Variants in VWA3B observed in about 807,000 individuals in gnomAD.
VWA3B encodes the protein von Willebrand factor A domain-containing protein 3B.
Under a neutral mutation model 158.3 loss-of-function variants are expected in VWA3B, and 138 were observed. The ratio of observed to expected loss-of-function variants is 0.87; its 90% CI spans 0.76 to 1.00. The LOEUF (loss-of-function observed/expected upper bound fraction) is 1.00. Among genes scored for constraint, VWA3B ranks in the 50% least tolerant of loss-of-function variants. The pLI is 0.00. For synonymous variants in VWA3B, 596 were observed against 587.3 expected, an observed-to-expected ratio of 1.01 and a Z score of -0.21; for missense variants, 1,555 against 1,565.1, an observed-to-expected ratio of 0.99 and a Z score of 0.11.
the VWA3B span, among the ~76,000 whole-genome samples, chr2:98,328,470 A>G: frequency 6.6e-6 from 1 of 152,234 alleles, no homozygotes; most frequent in African/African-American, 2.4e-5. Flanking sequence ...CACTACTACT[A>G]TTAGAATTTA....
At chr2:98,200,459 A>C (rs2105469047) in intron 12 of VWA3B, among the ~76,000 whole-genome samples, 1 of 151,376 alleles carries the variant, frequency 6.6e-6, no homozygotes, top group Admixed American at 6.6e-5. Flanking sequence ...AGAGAATGGC[A>C]TGAACCCAGG....
At chr2:98,317,040 G>T (rs1326738961), downstream of VWA3B, among the ~76,000 whole-genome samples, 1 of 152,178 alleles carries the variant, frequency 6.6e-6, no homozygotes, top group African/African-American at 2.4e-5. Flanking sequence ...AAGCAGGTAG[G>T]TGAATTCACA....
chr2:98,224,269 A>G (rs1358251717), intron 14 of VWA3B, among the ~76,000 whole-genome samples: 2 of 151,192 alleles, frequency 1.3e-5, no homozygotes, highest in Non-Finnish European at 3.0e-5. Context: ...CACCAGAAAG[A>G]AAAGAAGAAA....
At chr2:98,255,022 G>GT (rs960413686) in intron 20 of VWA3B, among the ~76,000 whole-genome samples, 19 of 146,756 alleles carry the variant, frequency 1.3e-4, no homozygotes, top group East Asian at 2.0e-4. Flanking sequence ...TTTGTTTTTT[G>GT]TTTTTTTTTG....
intron 14 of VWA3B, among the ~76,000 whole-genome samples, chr2:98,224,992 G>A (rs1684804117): frequency 6.6e-6 from 1 of 152,098 alleles, no homozygotes. Context: ...GGAGCGCAGT[G>A]GTGCAATCTT....
chr2:98,138,587 A>G (rs796557595), intron 7 of VWA3B, among the ~76,000 whole-genome samples: 12 of 152,300 alleles, frequency 7.9e-5, no homozygotes, highest in African/African-American at 2.6e-4. Flanking sequence ...GGATCTCATA[A>G]TATTCATGAC....
At chr2:98,228,707 G>A (rs1267487601) in intron 15 of VWA3B, among the ~76,000 whole-genome samples, 2 of 152,096 alleles carry the variant, frequency 1.3e-5, no homozygotes, top group African/African-American at 4.8e-5. Flanking sequence ...TTCTCTCCAC[G>A]CCTCTCCATT....
At chr2:98,313,312 C>G (rs1367190759), downstream of VWA3B, 1 of 151,672 alleles carries the variant, frequency 6.6e-6, no homozygotes, top group Admixed American at 6.6e-5. Context: ...GACATGCGCT[C>G]AGCATCAGGC....
intron 5 of VWA3B, among the ~76,000 whole-genome samples, chr2:98,121,749 C>G (rs72946920): frequency 0.22 from 33,677 of 151,864 alleles, 3,943 homozygotes; most frequent in African/African-American, 0.29. Flanking sequence ...TCACACCCAC[C>G]GAGCACCGAG....
intron 19 of VWA3B, 74 bp from the exon 20 acceptor site, chr2:98,250,244 A>G (rs769248191): frequency 6.8e-6 from 7 of 1,032,096 alleles, no homozygotes; most frequent in Admixed American, 4.4e-5. Context: ...TTATACAACT[A>G]TGTAGATGTA....
At chr2:98,289,135 TCTTTAC>T (rs1689339754) in intron 22 of VWA3B, among the ~76,000 whole-genome samples, 1 of 152,234 alleles carries the variant, frequency 6.6e-6, no homozygotes, top group African/African-American at 2.4e-5. Flanking sequence ...CAAAAGGATT[TCTTTAC>T]CTTTTCTCCT....
At chr2:98,109,537 A>G (rs1186865488) in intron 2 of VWA3B, among the ~76,000 whole-genome samples, 1 of 152,166 alleles carries the variant, frequency 6.6e-6, no homozygotes, top group African/African-American at 2.4e-5. Flanking sequence ...ACCATCAAAC[A>G]TTATTTGTAA....
intron 7 of VWA3B, among the ~76,000 whole-genome samples, chr2:98,150,971 C>T (rs777274515): frequency 1.3e-5 from 2 of 152,230 alleles, no homozygotes; most frequent in African/African-American, 2.4e-5. Flanking sequence ...ATATATCTTG[C>T]ACTTGAGGTT....
At chr2:98,162,535 A>G (rs1230414964) in intron 7 of VWA3B, among the ~76,000 whole-genome samples, 1 of 152,116 alleles carries the variant, frequency 6.6e-6, no homozygotes, top group Non-Finnish European at 1.5e-5. Context: ...GGCTTGTGTG[A>G]GGTGCTTTTG....
intron 7 of VWA3B, among the ~76,000 whole-genome samples, chr2:98,159,620 G>C (rs1376795923): frequency 1.3e-5 from 2 of 152,148 alleles, no homozygotes; most frequent in East Asian, 3.9e-4. Flanking sequence ...CATGCATTCT[G>C]GTTGGAGAAT....
intron 23 of VWA3B, among the ~76,000 whole-genome samples, chr2:98,293,471 G>A (rs1689617071): frequency 6.6e-6 from 1 of 152,018 alleles, no homozygotes; most frequent in South Asian, 2.1e-4. Context: ...TTCCTTAACT[G>A]GGAATAACTT....
At chr2:98,308,771 C>T (rs972291115) in intron 26 of VWA3B, among the ~76,000 whole-genome samples, 3 of 152,246 alleles carry the variant, frequency 2.0e-5, no homozygotes, top group African/African-American at 7.2e-5. Context: ...AATACACACA[C>T]CTGGTGCCAC....
intron 19 of VWA3B, among the ~76,000 whole-genome samples, chr2:98,240,178 G>A (rs1685982528): frequency 6.6e-6 from 1 of 152,122 alleles, no homozygotes; most frequent in Admixed American, 6.5e-5. Flanking sequence ...ATGTAAGTAT[G>A]TGCACACATA....
chr2:98,326,072 A>C, the VWA3B span, among the ~76,000 whole-genome samples: 66 of 152,350 alleles, frequency 4.3e-4, 2 homozygotes, highest in East Asian at 0.012. Context: ...AATGAGACAT[A>C]TATTTCTAAA....
Sources: allele counts gnomAD v4.1 joint callset (sites outside exome capture counted in the v4.1 genomes callset), GRCh38; gene constraint gnomAD v4.1.1; transcripts MANE v1.5; gene names NCBI Gene and HGNC (gene_info 2026-07-23, HGNC 2026-07-21).